Variants in CHST11 observed in about 807,000 individuals in gnomAD.
The protein encoded by CHST11 is C4S-1.
A neutral mutation model predicts 30.4 loss-of-function variants in CHST11; 9 were observed. That is an observed-to-expected ratio of 0.30 (90% CI 0.18 to 0.52). The LOEUF (loss-of-function observed/expected upper bound fraction) is 0.52, where lower values mean the gene tolerates loss of function less well. CHST11 is among the 20% of genes least tolerant of loss of function. CHST11 has a pLI of 0.97. For missense variants in CHST11, 348 were observed against 460.6 expected (o/e 0.76, Z 2.24); for synonymous variants, 152 against 187.8 (o/e 0.81, Z 1.56).
At position 104,457,359 on chromosome 12, in the gene CHST11, G is replaced by A; in HGVS notation, c.-53G>A. The A allele has an allele frequency of 7.2e-7, 1 of 1,388,738 alleles. No individual in the cohort carries two copies. The allele number at this position is 1,388,738 out of a possible 1,614,324, so 86.0% of individuals were successfully genotyped here. ...TCCGCGCGGCGGGGTCCCTGCTCCT[G>A]CGCCCCGGGCGCGCTTCCCGGACAC... On this transcript the variant is annotated 5_prime_UTR_variant, in exon 1 of 3. Coordinates refer to ENST00000303694, the MANE Select transcript of CHST11 (RefSeq NM_018413.6).
chr12:104,661,425 A>G (rs1321218865), intron 2 of CHST11, among the ~76,000 whole-genome samples: 1 of 152,136 alleles, frequency 6.6e-6, no homozygotes, highest in Non-Finnish European at 1.5e-5. Flanking sequence ...AATACAAAAA[A>G]TTAGCTGGAT....
At chr12:104,682,583 G>T (rs190380591) in intron 2 of CHST11, among the ~76,000 whole-genome samples, 9 of 152,284 alleles carry the variant, frequency 5.9e-5, no homozygotes, top group African/African-American at 2.2e-4. Context: ...TAATGTCTTG[G>T]CCTGGATCTT....
rs190104442 is a variant in CHST11 at position 104,600,987 on chromosome 12, G to A, written c.119-919G>A. On this transcript the variant is annotated intron_variant, in intron 1 of 2. Coordinates refer to ENST00000303694, the MANE Select transcript of CHST11 (RefSeq NM_018413.6). This position sits in a 1 kb window ranked among gnomAD's most constrained non-coding sequence, Gnocchi z 4.1. ...CTTCTTCCCTTCCCTTCCTTCCTTC[G>A]CTTGCTCCCCTCCCTTTCCTTCTCC... 5.1e-3 allele frequency among the ~76,000 whole-genome samples: 647 copies of A among 125,654 alleles called. 6 individuals carry two copies. The highest frequency in any genetic ancestry group is 0.018 in the African/African-American group (590 of 32,406). 82.4% of individuals were successfully genotyped at this position (125,654 alleles called of 152,430 possible).
intron 2 of CHST11, among the ~76,000 whole-genome samples, chr12:104,742,135 G>A (rs1392569565): frequency 6.6e-6 from 1 of 152,236 alleles, no homozygotes; most frequent in Non-Finnish European, 1.5e-5. Flanking sequence ...ACCCTGAGAA[G>A]TAGACTTTAT....
intron 2 of CHST11, among the ~76,000 whole-genome samples, chr12:104,664,549 T>C (rs1232199329): frequency 6.6e-6 from 1 of 152,020 alleles, no homozygotes. Context: ...CACTGTGAAA[T>C]GTTACAAGTG....
intron 1 of CHST11, among the ~76,000 whole-genome samples, chr12:104,549,188 G>A (rs1245988365): frequency 6.6e-6 from 1 of 152,192 alleles, no homozygotes; most frequent in Non-Finnish European, 1.5e-5. Context: ...TCCTGCATGG[G>A]CTGGAGTGGG....
chr12:104,489,144 T>C (rs7133503), intron 1 of CHST11, among the ~76,000 whole-genome samples: 56,980 of 151,456 alleles, frequency 0.38, 11,124 homozygotes, highest in East Asian at 0.65. Flanking sequence ...TCAAGTGATT[T>C]TCCGGCCTCA....
intron 2 of CHST11, among the ~76,000 whole-genome samples, chr12:104,681,925 G>C (rs991021923): frequency 2.8e-5 from 4 of 144,736 alleles, no homozygotes; most frequent in Non-Finnish European, 6.0e-5. Flanking sequence ...CTGCCTCCCA[G>C]GTTCACGCCA....
chr12:104,601,808 T>C, intron 1 of CHST11, 98 bp from the exon 2 acceptor site: 1 of 923,534 alleles, frequency 1.1e-6, no homozygotes, highest in South Asian at 1.5e-5. Flanking sequence ...TCTCTTTCTT[T>C]CCTGCCTGTT....
chr12:104,593,985 CTCT>C (rs1027812990), intron 1 of CHST11, among the ~76,000 whole-genome samples: 7 of 152,202 alleles, frequency 4.6e-5, no homozygotes, highest in African/African-American at 1.7e-4. Flanking sequence ...ATGCTAACTC[CTCT>C]TCTTTGTTCA....
At chr12:104,557,583 C>T (rs2038469868) in intron 1 of CHST11, among the ~76,000 whole-genome samples, 1 of 152,006 alleles carries the variant, frequency 6.6e-6, no homozygotes, top group Middle Eastern at 3.4e-3. Flanking sequence ...GGCGGCTGGA[C>T]AGGAATCCAG....
At chr12:104,581,671 C>T (rs536672937) in intron 1 of CHST11, among the ~76,000 whole-genome samples, 19 of 152,274 alleles carry the variant, frequency 1.2e-4, no homozygotes, top group Non-Finnish European at 4.4e-5. Context: ...TCTGTCTAAC[C>T]TGACAGAGAC....
intron 2 of CHST11, among the ~76,000 whole-genome samples, chr12:104,733,838 G>A (rs1189471760): frequency 1.3e-5 from 2 of 152,218 alleles, no homozygotes; most frequent in Admixed American, 1.3e-4. Context: ...TTTTGACGTT[G>A]TAAGGTAGGA....
chr12:104,631,422 T>C (rs749491584), intron 2 of CHST11, among the ~76,000 whole-genome samples: 5 of 152,298 alleles, frequency 3.3e-5, no homozygotes, highest in Non-Finnish European at 7.4e-5. Flanking sequence ...CCAGCGTCTA[T>C]GTGCTTTCCC....
At chr12:104,716,373 T>C (rs2040131226) in intron 2 of CHST11, among the ~76,000 whole-genome samples, 1 of 152,244 alleles carries the variant, frequency 6.6e-6, no homozygotes. Context: ...GAGCACCTCA[T>C]GCAAACACTC....
rs138969426 is a variant in CHST11 at position 104,719,663 on chromosome 12, T to C, written c.205-37286T>C. ...GGCGTTATCAGCATTTTTCAAGTTATAAACACCCCCTCTTAGCTGGGACCC... is the reference window on the plus strand; with the variant it reads ...GGCGTTATCAGCATTTTTCAAGTTACAAACACCCCCTCTTAGCTGGGACCC... On this transcript the variant is annotated intron_variant, in intron 2 of 2. Transcript: ENST00000303694. 2.1e-3 allele frequency among the ~76,000 whole-genome samples: 325 copies of C among 152,370 alleles called. 3 individuals carry two copies. Among genetic ancestry groups the C allele is most frequent in the African/African-American group, 7.6e-3 (316 of 41,586 alleles).
At chr12:104,651,982 G>A (rs1323180919) in intron 2 of CHST11, among the ~76,000 whole-genome samples, 1 of 152,152 alleles carries the variant, frequency 6.6e-6, no homozygotes, top group Non-Finnish European at 1.5e-5. Flanking sequence ...CCTGACTTCT[G>A]CATTTCCTGG....
intron 2 of CHST11, among the ~76,000 whole-genome samples, chr12:104,666,150 G>A (rs540390446): frequency 6.6e-6 from 1 of 152,184 alleles, no homozygotes; most frequent in African/African-American, 2.4e-5. Flanking sequence ...AGACTATCAT[G>A]TATAGAATTA....
At chr12:104,742,272 G>A (rs930256425) in intron 2 of CHST11, among the ~76,000 whole-genome samples, 4 of 152,180 alleles carry the variant, frequency 2.6e-5, no homozygotes, top group Non-Finnish European at 5.9e-5. Context: ...TTCAAAGAAG[G>A]GAGAGGCCAG....
Sources: gnomAD v4.1 joint callset for allele counts (sites outside exome capture counted in the v4.1 genomes callset) on GRCh38, gnomAD v4.1.1 for gene constraint, Gnocchi (gnomAD v3.1) non-coding constraint, MANE v1.5 for transcripts, NCBI Gene and HGNC (gene_info 2026-07-23, HGNC 2026-07-21) for gene names.